NAV3: variants seen among roughly 807,000 people sequenced by gnomAD.
NAV3 encodes pore membrane and/or filament interacting like protein 1.
In NAV3, 87 loss-of-function variants were observed where a neutral mutation model predicts 244.7. The observed-to-expected ratio is 0.36, with a 90% CI of 0.30 to 0.42. The LOEUF is 0.42. Among genes scored for constraint, NAV3 ranks in the 20% least tolerant of loss-of-function variants. The pLI, the probability that NAV3 is intolerant of heterozygous loss-of-function variation, is 1.00. For missense variants in NAV3, 2,663 were observed against 2,893.3 expected (o/e 0.92, Z 1.83); for synonymous variants, 1,126 against 1,042.2 (o/e 1.08, Z -1.55).
intron 2 of NAV3, among the ~76,000 whole-genome samples, chr12:77,716,320 A>G (rs1260708611): frequency 6.6e-6 from 1 of 151,646 alleles, no homozygotes; most frequent in Non-Finnish European, 1.5e-5. Flanking sequence ...TATTTGTTAC[A>G]CTGCACTTGT....
At chr12:78,000,739 G>A (rs549810949) in intron 7 of NAV3, among the ~76,000 whole-genome samples, 45 of 150,292 alleles carry the variant, frequency 3.0e-4, no homozygotes, top group African/African-American at 1.0e-3. Context: ...TCCTGACCTC[G>A]TGATCCGCCC....
intron 2 of NAV3, among the ~76,000 whole-genome samples, chr12:77,759,646 G>A (rs548933552): frequency 8.5e-4 from 130 of 152,296 alleles, no homozygotes; most frequent in Non-Finnish European, 1.0e-3. Flanking sequence ...ATAGTTACCT[G>A]TTATGTTAGT....
intron 39 of NAV3, among the ~76,000 whole-genome samples, chr12:78,205,583 T>C (rs1317438723): frequency 6.6e-6 from 1 of 152,078 alleles, no homozygotes; most frequent in Non-Finnish European, 1.5e-5. Flanking sequence ...GGTCTTCTCT[T>C]GCCTACTGTA....
chr12:77,860,604 C>T (rs1040833920), intron 1 of NAV3, among the ~76,000 whole-genome samples: 18 of 151,748 alleles, frequency 1.2e-4, no homozygotes, highest in African/African-American at 4.4e-4. Context: ...AGTATCCAAA[C>T]AATTAATGCT....
At chr12:77,744,278 A>G (rs1339001829) in intron 2 of NAV3, among the ~76,000 whole-genome samples, 4 of 152,032 alleles carry the variant, frequency 2.6e-5, no homozygotes, top group Non-Finnish European at 5.9e-5. Flanking sequence ...GATATGGTAC[A>G]TTGATTTTTG....
intron 22 of NAV3, among the ~76,000 whole-genome samples, chr12:78,151,959 T>C (rs550458287): frequency 1.8e-4 from 28 of 151,674 alleles, no homozygotes; most frequent in Non-Finnish European, 1.0e-4. Context: ...TATCATAACG[T>C]AACATGCTTT....
At chr12:77,759,386 G>A (rs1200386790) in intron 2 of NAV3, among the ~76,000 whole-genome samples, 1 of 152,200 alleles carries the variant, frequency 6.6e-6, no homozygotes, top group Admixed American at 6.5e-5. Context: ...ATTAAAAGGT[G>A]GAGCTGGTAT....
chr12:77,730,372 T>A (rs562110318), intron 2 of NAV3, among the ~76,000 whole-genome samples: 2 of 151,352 alleles, frequency 1.3e-5, no homozygotes, highest in African/African-American at 4.8e-5. Flanking sequence ...TTTTTAGAAA[T>A]GAAAACACGT....
intron 1 of NAV3, among the ~76,000 whole-genome samples, chr12:77,854,291 G>A (rs1878014680): frequency 6.6e-6 from 1 of 152,104 alleles, no homozygotes; most frequent in Non-Finnish European, 1.5e-5. Context: ...ATTCAGCTTA[G>A]AGCAGCTCTA....
intron 1 of NAV3, among the ~76,000 whole-genome samples, chr12:77,913,523 C>G (rs896108367): frequency 2.0e-5 from 3 of 152,036 alleles, no homozygotes; most frequent in Non-Finnish European, 2.9e-5. Flanking sequence ...ACCTCCCGTA[C>G]TAGGCATTAC....
intron 11 of NAV3, among the ~76,000 whole-genome samples, chr12:78,051,371 G>C (rs941335500): frequency 2.0e-5 from 3 of 152,130 alleles, no homozygotes; most frequent in Non-Finnish European, 4.4e-5. Context: ...TTTTTCTGTT[G>C]TTGAGAGAAA....
chr12:77,640,859 A>G (rs11106085), intron 2 of NAV3, among the ~76,000 whole-genome samples: 2 of 152,054 alleles, frequency 1.3e-5, no homozygotes, highest in Non-Finnish European at 2.9e-5. Context: ...CCAAGTAAAC[A>G]TGGATATGAG....
intron 2 of NAV3, among the ~76,000 whole-genome samples, chr12:77,692,182 G>A (rs1444488435): frequency 6.6e-6 from 1 of 151,916 alleles, no homozygotes; most frequent in African/African-American, 2.4e-5. Flanking sequence ...GGAGTACTAA[G>A]CATGAAATAT....
chr12:77,676,919 C>T (rs1874234500), intron 2 of NAV3, among the ~76,000 whole-genome samples: 3 of 152,044 alleles, frequency 2.0e-5, no homozygotes, highest in Admixed American at 2.0e-4. Context: ...GAAGTGAGCA[C>T]AACATTCTTT....
chr12:77,691,839 G>A (rs767141966), intron 2 of NAV3, among the ~76,000 whole-genome samples: 1 of 151,824 alleles, frequency 6.6e-6, no homozygotes, highest in African/African-American at 2.4e-5. Flanking sequence ...AGTAAATGGA[G>A]GATTTGGGAT....
At chr12:77,719,654 A>G (rs1432979652) in intron 2 of NAV3, among the ~76,000 whole-genome samples, 1 of 152,066 alleles carries the variant, frequency 6.6e-6, no homozygotes, top group African/African-American at 2.4e-5. Flanking sequence ...TCCCTTGGCC[A>G]TGGTGTATGA....
chr12:77,771,868 A>T (rs1345419660), intron 2 of NAV3, among the ~76,000 whole-genome samples: 3 of 152,136 alleles, frequency 2.0e-5, no homozygotes, highest in Non-Finnish European at 4.4e-5. Flanking sequence ...CATATGTAAC[A>T]AACCTGCACA....
rs35998964 is a variant in NAV3, at chr12:77,868,755, C to CAAAA, written c.243+37064_243+37067dup. ...TGGGTGACAGAGTGAGACTCCATCT[C>CAAAA]AAAAAAAAAAAAAAAAGAAAAAAAA... is the stretch of plus-strand genomic sequence containing the variant. On this transcript the variant is annotated intron_variant, in intron 1 of 39. Coordinates refer to ENST00000397909, the MANE Select transcript of NAV3 (RefSeq NM_001024383.2). 7.7e-3 allele frequency among the ~76,000 whole-genome samples: 801 copies of CAAAA among 103,592 alleles called. 8 individuals are homozygous for CAAAA. Among genetic ancestry groups the CAAAA allele is most frequent in the Non-Finnish European group, 0.012 (671 of 54,286 alleles). 68.0% of individuals were successfully genotyped at this position (103,592 alleles called of 152,430 possible). A position where few individuals can be genotyped will look rare whatever the true frequency, so the allele number is the denominator to read the frequency against.
intron 2 of NAV3, among the ~76,000 whole-genome samples, chr12:77,707,660 T>A (rs2137234331): frequency 6.6e-6 from 1 of 152,336 alleles, no homozygotes; most frequent in Non-Finnish European, 1.5e-5. Flanking sequence ...ATGGTTGAAC[T>A]AGTTTACAGT....
Sources: allele counts gnomAD v4.1 joint callset (sites outside exome capture counted in the v4.1 genomes callset), GRCh38; gene constraint gnomAD v4.1.1; transcripts MANE v1.5; gene names NCBI Gene and HGNC (gene_info 2026-07-23, HGNC 2026-07-21).